MYO6: variants seen among roughly 807,000 people sequenced by gnomAD.
MYO6 encodes the protein myosin VI.
MYO6 carries 74 observed loss-of-function variants against 178.7 expected under a neutral mutation model. The observed-to-expected ratio is 0.41, with a 90% CI of 0.34 to 0.50. The LOEUF (loss-of-function observed/expected upper bound fraction) is 0.50, where lower values mean the gene tolerates loss of function less well. MYO6 is among the 20% of genes least tolerant of loss of function. The pLI, the probability that MYO6 is intolerant of heterozygous loss-of-function variation, is 0.09. For missense variants in MYO6, 1,330 were observed against 1,547.4 expected (o/e 0.86, Z 2.36); for synonymous variants, 477 against 504.6 (o/e 0.95, Z 0.73).
rs1157192932 is a variant in MYO6 at position 75,916,835 on chromosome 6, G to A, written c.*1823G>A. On this transcript the variant is annotated 3_prime_UTR_variant, in exon 35 of 35. Coordinates refer to ENST00000369977, the MANE Select transcript of MYO6 (RefSeq NM_004999.4). ...ACATATTTAAATGAGAGAATCTAAT[G>A]TTTCAGAAATTTGTAAGAAATGTAT... 1 of 152,076 alleles carries A rather than the reference G, an allele frequency of 6.6e-6. No individual in the cohort carries two copies. The highest frequency in any genetic ancestry group is 2.4e-5 in the African/African-American group (1 of 41,422). The allele number at this position is 152,076 out of a possible 1,614,324, so 9.4% of individuals were successfully genotyped here.
intron 30 of MYO6, 34 bp downstream of exon 30, chr6:75,898,445 C>T: frequency 6.4e-7 from 1 of 1,555,272 alleles, no homozygotes; most frequent in Non-Finnish European, 8.9e-7. Flanking sequence ...AATAAGTGTT[C>T]ACCTCAAAAT....
At chr6:75,823,011 A>G (rs930034263) in intron 3 of MYO6, among the ~76,000 whole-genome samples, 160 bp downstream of exon 3, 7 of 152,196 alleles carry the variant, frequency 4.6e-5, no homozygotes, top group Non-Finnish European at 1.0e-4. Context: ...CGAGTCCTCC[A>G]TGTTGTCTCA....
At chr6:75,885,203 C>T (rs1562284042) in intron 23 of MYO6, among the ~76,000 whole-genome samples, 1 of 152,168 alleles carries the variant, frequency 6.6e-6, no homozygotes, top group Non-Finnish European at 1.5e-5. Context: ...CATCTTTCAA[C>T]ATCTTTTTAT....
At chr6:75,853,244 T>A (rs1213817046) in intron 11 of MYO6, among the ~76,000 whole-genome samples, 1 of 152,212 alleles carries the variant, frequency 6.6e-6, no homozygotes, top group Non-Finnish European at 1.5e-5. Context: ...AAGTCCTTTA[T>A]CAGATATATA....
At chr6:75,858,510 G>A (rs917521306) in intron 13 of MYO6, among the ~76,000 whole-genome samples, 1 of 152,146 alleles carries the variant, frequency 6.6e-6, no homozygotes, top group Non-Finnish European at 1.5e-5. Context: ...GGAGGCTCAG[G>A]CATGAGAATC....
rs990136227 is a variant in MYO6 at position 75,840,592 on chromosome 6, A to G, written c.561A>G (p.Pro187=). 4 of 1,613,106 alleles carry G rather than the reference A, an allele frequency of 2.5e-6. No homozygotes were observed. Among genetic ancestry groups the G allele is most frequent in the African/African-American group, 2.7e-5 (2 of 74,806 alleles). ...TTTTTTGTTTCTCAATAGCTAACCC[A>G]CTCCTAGAAGCCTTTGGAAATGCGA... ...DIDDRIVEAN[P]LLEAFGNAKT... The change falls in exon 8 of 35, where the codon CCA becomes CCG. Residue 187 remains proline (P), a synonymous_variant. Coordinates refer to ENST00000369977, the MANE Select transcript of MYO6 (RefSeq NM_004999.4).
At chr6:75,816,748 G>A (rs1771287590) in intron 1 of MYO6, among the ~76,000 whole-genome samples, 1 of 152,154 alleles carries the variant, frequency 6.6e-6, no homozygotes, top group Admixed American at 6.5e-5. Context: ...TACTTCCACA[G>A]TTGATTTATT....
At chr6:75,780,203 G>A (rs1363956186) in intron 1 of MYO6, among the ~76,000 whole-genome samples, 1 of 152,210 alleles carries the variant, frequency 6.6e-6, no homozygotes, top group African/African-American at 2.4e-5. Context: ...CATTTTGGGA[G>A]GCTGAGGGGG....
At chr6:75,788,513 C>T (rs552479158) in intron 1 of MYO6, among the ~76,000 whole-genome samples, 18 of 152,182 alleles carry the variant, frequency 1.2e-4, no homozygotes, top group Non-Finnish European at 2.2e-4. Flanking sequence ...CTGAAAAAAA[C>T]GATATTGCTT....
At chr6:75,903,311 A>C (rs1356753874) in intron 30 of MYO6, among the ~76,000 whole-genome samples, 1 of 152,070 alleles carries the variant, frequency 6.6e-6, no homozygotes, top group East Asian at 1.9e-4. Context: ...GATCTGTCTA[A>C]TGTGGACAGT....
At chr6:75,844,211 A>C (rs1342614426) in intron 9 of MYO6, among the ~76,000 whole-genome samples, 3 of 152,216 alleles carry the variant, frequency 2.0e-5, no homozygotes, top group Non-Finnish European at 4.4e-5. Context: ...GGAGCAGTAG[A>C]TTCTTGTTGA....
chr6:75,863,112 A>G (rs892267266), intron 16 of MYO6, among the ~76,000 whole-genome samples: 1 of 151,968 alleles, frequency 6.6e-6, no homozygotes, highest in African/African-American at 2.4e-5. Context: ...GTACAATGAG[A>G]ATTACCTGCT....
At chr6:75,780,727 T>G (rs1003975277) in intron 1 of MYO6, among the ~76,000 whole-genome samples, 1 of 152,168 alleles carries the variant, frequency 6.6e-6, no homozygotes, top group African/African-American at 2.4e-5. Flanking sequence ...CTCTATATGA[T>G]ATACTATGTT....
chr6:75,774,206 T>C (rs1766152248), intron 1 of MYO6, among the ~76,000 whole-genome samples: 1 of 152,224 alleles, frequency 6.6e-6, no homozygotes, highest in African/African-American at 2.4e-5. Flanking sequence ...ATATAAATGC[T>C]TTTTTACATA....
At chr6:75,886,187 C>G in intron 24 of MYO6, 93 bp downstream of exon 24, 1 of 767,654 alleles carries the variant, frequency 1.3e-6, no homozygotes, top group East Asian at 2.7e-5. Flanking sequence ...AGTTTGGATA[C>G]TCAGGTTTTC....
chr6:75,851,706 A>G (rs548931931), intron 11 of MYO6, among the ~76,000 whole-genome samples: 84 of 152,062 alleles, frequency 5.5e-4, no homozygotes, highest in South Asian at 2.7e-3. Context: ...TTAGCTGGGC[A>G]TGGTGGTGCA....
chr6:75,771,417 T>C (rs1263319904), intron 1 of MYO6, among the ~76,000 whole-genome samples: 38 of 152,326 alleles, frequency 2.5e-4, no homozygotes. Flanking sequence ...AGAGTGAATA[T>C]GTATTTTAAC....
Position 75,866,592 on chromosome 6 carries a change from C to T in MYO6, c.1741C>T (p.His581Tyr). The T allele has an allele frequency of 6.2e-7, 1 of 1,613,992 alleles. No individual in the cohort carries two copies. The highest frequency in any genetic ancestry group is 8.5e-7 in the Non-Finnish European group (1 of 1,179,918). The change falls in exon 17 of 35, where the codon CAT becomes TAT. Residue 581 changes from histidine (H) to tyrosine (Y), a missense_variant. This residue lies in a region of MYO6 where 613 missense variants were observed against 816.8 expected (regional missense o/e 0.75). Transcript: ENST00000369977. ...IRDDEGFIIR[H>Y]FAGAVCYETT... ...AGACGACGAAGGCTTCATTATCAGG[C>T]ATTTTGCGGGGGCAGTGTGCTATGA...
At position 75,862,702 on chromosome 6, in the gene MYO6, C is replaced by A; in HGVS notation, c.1653C>A (p.His551Gln). The A allele has an allele frequency of 6.2e-7, 1 of 1,614,022 alleles. No individual in the cohort carries two copies. The highest frequency in any genetic ancestry group is 1.1e-5 in the South Asian group (1 of 91,072). The change falls in exon 16 of 35, where the codon CAC becomes CAA. Residue 551 changes from histidine to glutamine, a missense_variant. His to Gln is a conservative substitution (Grantham distance 24, BLOSUM62 0). This residue lies in a region of MYO6 where 613 missense variants were observed against 816.8 expected (regional missense o/e 0.75). Transcript: ENST00000369977. ...QHFTSAVHQK[H>Q]KDHFRLTIPR... ...TTACATCTGCAGTTCACCAAAAGCACAAGGATCATTTTCGACTCACTGTGA... is the reference window on the plus strand; with the variant it reads ...TTACATCTGCAGTTCACCAAAAGCAAAAGGATCATTTTCGACTCACTGTGA...
Sources: gnomAD v4.1 joint callset for allele counts (sites outside exome capture counted in the v4.1 genomes callset) on GRCh38, gnomAD v4.1.1 for gene constraint, gnomAD v4.1.1 regional missense constraint, MANE v1.5 for transcripts, NCBI Gene and HGNC (gene_info 2026-07-23, HGNC 2026-07-21) for gene names.